Variants in WWOX observed in about 807,000 individuals in gnomAD.
The protein encoded by WWOX is WW domain containing oxidoreductase.
A neutral mutation model predicts 46.2 loss-of-function variants in WWOX; 69 were observed. The observed-to-expected ratio is 1.49, with a 90% CI of 1.23 to 1.82. WWOX has a LOEUF of 1.82. WWOX is among the 40% of genes most tolerant of loss of function. The pLI is 0.00. For synonymous variants in WWOX, 359 were observed against 202.6 expected (o/e 1.77, Z -6.56); for missense variants, 919 against 542.6 (o/e 1.69, Z -6.89).
intron 6 of WWOX, among the ~76,000 whole-genome samples, chr16:78,397,066 G>A (rs1051699345): frequency 2.0e-5 from 3 of 152,164 alleles, no homozygotes; most frequent in African/African-American, 4.8e-5. Context: ...GTAAATAAGT[G>A]TTGAGAGTCG....
intron 5 of WWOX, among the ~76,000 whole-genome samples, chr16:78,221,995 G>C (rs1327268823): frequency 6.6e-6 from 1 of 152,146 alleles, no homozygotes; most frequent in Non-Finnish European, 1.5e-5. Context: ...CTGGGGACTG[G>C]AACTTAAAAC....
chr16:79,091,437 A>C (rs768548499), intron 8 of WWOX, among the ~76,000 whole-genome samples: 5 of 152,116 alleles, frequency 3.3e-5, no homozygotes, highest in African/African-American at 1.2e-4. Context: ...CAGCTTCCCC[A>C]CTGGGTGTTC....
intron 8 of WWOX, among the ~76,000 whole-genome samples, chr16:78,757,797 C>T (rs952026948): frequency 2.0e-5 from 3 of 152,000 alleles, no homozygotes; most frequent in East Asian, 1.9e-4. Context: ...TATGTCCTTA[C>T]ATGACAGAGG....
At chr16:78,791,337 C>A (rs1056265884) in intron 8 of WWOX, among the ~76,000 whole-genome samples, 2 of 152,136 alleles carry the variant, frequency 1.3e-5, no homozygotes, top group Non-Finnish European at 2.9e-5. Context: ...ACGGCAGTCT[C>A]AGGTTTATGT....
intron 8 of WWOX, among the ~76,000 whole-genome samples, chr16:79,057,480 A>G (rs1486050477): frequency 1.3e-5 from 2 of 152,166 alleles, no homozygotes; most frequent in Non-Finnish European, 2.9e-5. Flanking sequence ...TCTTTCTGTA[A>G]AGACCATTAT....
At chr16:78,604,642 G>C (rs1355044259) in intron 8 of WWOX, among the ~76,000 whole-genome samples, 2 of 148,988 alleles carry the variant, frequency 1.3e-5, no homozygotes, top group South Asian at 4.3e-4. Flanking sequence ...CTTTAATAAA[G>C]ATTTAAAAAA....
chr16:79,011,366 C>G (rs1041884806), intron 8 of WWOX, among the ~76,000 whole-genome samples: 3 of 151,796 alleles, frequency 2.0e-5, no homozygotes, highest in Admixed American at 6.6e-5. Flanking sequence ...AATCCTGCCC[C>G]CTTTGGAACT....
intron 8 of WWOX, among the ~76,000 whole-genome samples, chr16:78,765,147 A>T (rs1266375708): frequency 1.3e-5 from 2 of 152,212 alleles, no homozygotes; most frequent in African/African-American, 4.8e-5. Context: ...AGGATGCTGC[A>T]GATCACAGTG....
intron 8 of WWOX, among the ~76,000 whole-genome samples, chr16:78,554,947 G>A (rs2151548429): frequency 6.6e-6 from 1 of 152,194 alleles, no homozygotes; most frequent in Non-Finnish European, 1.5e-5. Context: ...TAGGCGGCCT[G>A]TTCTCCCACA....
intron 8 of WWOX, among the ~76,000 whole-genome samples, chr16:78,739,830 A>C (rs1205168432): frequency 6.6e-6 from 1 of 152,028 alleles, no homozygotes; most frequent in Non-Finnish European, 1.5e-5. Context: ...ACAAACAAAC[A>C]AACAAAAACC....
intron 8 of WWOX, among the ~76,000 whole-genome samples, chr16:78,843,680 G>C (rs1597708316): frequency 7.5e-6 from 1 of 132,634 alleles, no homozygotes; most frequent in Non-Finnish European, 1.8e-5. Context: ...CCCTCTCCGT[G>C]GCTCAGCATG....
chr16:78,735,497 C>T (rs549602964), intron 8 of WWOX, among the ~76,000 whole-genome samples: 3 of 152,058 alleles, frequency 2.0e-5, no homozygotes, highest in Admixed American at 6.6e-5. Flanking sequence ...CGTGCTTGAA[C>T]TCGAGGACTT....
At chr16:78,916,328 A>G (rs1031212575) in intron 8 of WWOX, among the ~76,000 whole-genome samples, 3 of 152,224 alleles carry the variant, frequency 2.0e-5, no homozygotes, top group African/African-American at 4.8e-5. Context: ...AGATAAAACA[A>G]TAATACCATG....
At chr16:79,187,414 T>A (rs561249971) in intron 8 of WWOX, among the ~76,000 whole-genome samples, 1 of 152,196 alleles carries the variant, frequency 6.6e-6, no homozygotes, top group Non-Finnish European at 1.5e-5. Context: ...TTCTGTTGTG[T>A]TTTTGAGACA....
intron 8 of WWOX, among the ~76,000 whole-genome samples, chr16:78,913,487 T>C (rs1184661102): frequency 6.6e-6 from 1 of 151,874 alleles, no homozygotes; most frequent in South Asian, 2.1e-4. Context: ...CATGATGATG[T>C]TGGAAGCCAT....
intron 8 of WWOX, among the ~76,000 whole-genome samples, chr16:79,029,691 G>A (rs533515601): frequency 6.6e-6 from 1 of 152,162 alleles, no homozygotes; most frequent in African/African-American, 2.4e-5. Flanking sequence ...AGGCATTGAT[G>A]CGCTTAATTA....
chr16:78,416,953 C>G (rs531924063), intron 6 of WWOX, among the ~76,000 whole-genome samples: 1 of 152,000 alleles, frequency 6.6e-6, no homozygotes, highest in South Asian at 2.1e-4. Flanking sequence ...TACAGTTTCT[C>G]TAAGAAGTTG....
intron 8 of WWOX, among the ~76,000 whole-genome samples, chr16:78,852,639 G>C (rs1229916095): frequency 6.6e-6 from 1 of 152,152 alleles, no homozygotes; most frequent in Admixed American, 6.5e-5. Flanking sequence ...ATCTATGTGA[G>C]GGAGTAAATA....
chr16:78,568,574 C>A (rs1185543491), intron 8 of WWOX, among the ~76,000 whole-genome samples: 1 of 148,962 alleles, frequency 6.7e-6, no homozygotes, highest in Non-Finnish European at 1.5e-5. Flanking sequence ...CTCCTGGATT[C>A]AAGCGAGTTT....
Sources: gnomAD v4.1 joint callset for allele counts (sites outside exome capture counted in the v4.1 genomes callset) on GRCh38, gnomAD v4.1.1 for gene constraint, MANE v1.5 for transcripts, NCBI Gene and HGNC (gene_info 2026-07-23, HGNC 2026-07-21) for gene names.